CSTF2T: variants seen among roughly 807,000 people sequenced by gnomAD.
The protein encoded by CSTF2T is CF-1 64 kDa subunit tau.
CSTF2T carries 18 observed loss-of-function variants against 39.9 expected under a neutral mutation model. That is an observed-to-expected ratio of 0.45 (90% CI 0.31 to 0.67). The LOEUF is 0.67. Among genes scored for constraint, CSTF2T ranks in the 30% least tolerant of loss-of-function variants. CSTF2T has a pLI of 0.06. For synonymous variants in CSTF2T, 291 were observed against 276.4 expected, an observed-to-expected ratio of 1.05 and a Z score of -0.52; for missense variants, 681 against 789.0, an observed-to-expected ratio of 0.86 and a Z score of 1.64.
Position 51,698,939 on chromosome 10 carries a change from T to G in CSTF2T, c.611A>C (p.Lys204Thr), listed in dbSNP as rs1448935697. Residue 204 changes from lysine (K) to threonine (T), a missense_variant, in exon 1 of 1, where the codon AAA becomes ACA. This residue lies in a region of CSTF2T where 329 missense variants were observed against 344.1 expected (regional missense o/e 0.96). Transcript: ENST00000331173. ...GCCAGAGACAGACACAGACTGAGAT[T>G]TGCCTGGGATCAGTGGTGTGACATG... The part of the protein sequence containing the change: ...KIHVTPLIPG[K>T]SQSVSVSGPG... 6.2e-7 allele frequency: 1 copy of G among 1,614,086 alleles called. No individual in the cohort carries two copies. The highest frequency in any genetic ancestry group is 8.5e-7 in the Non-Finnish European group (1 of 1,180,024).
In CSTF2T at chr10:51,698,976, G is replaced by A; in HGVS notation, c.574C>T (p.His192Tyr). The A allele has an allele frequency of 6.2e-7, 1 of 1,614,228 alleles. No individual in the cohort carries two copies. Among genetic ancestry groups the A allele is most frequent in the Non-Finnish European group, 8.5e-7 (1 of 1,180,036 alleles). Residue 192 changes from histidine (H) to tyrosine (Y), a missense_variant, in exon 1 of 1, where the codon CAT becomes TAT. Physicochemically the swap from His to Tyr is moderately conservative, Grantham distance 83. Coordinates refer to ENST00000331173, the MANE Select transcript of CSTF2T (RefSeq NM_015235.3). ...MDPEIALKILHRKIHVTPLIP... is the reference protein window; with the variant it reads ...MDPEIALKILYRKIHVTPLIP... ...AGTGGTGTGACATGTATCTTCCGAT[G>A]CAGAATTTTCAGAGCAATCTCTGGA...
chr10:51,698,164 G>T lies in CSTF2T; in HGVS notation c.1386C>A (p.Gly462=), dbSNP rs760153053. Residue 462 remains glycine (G), a synonymous_variant, in exon 1 of 1, where the codon GGC becomes GGA. Transcript: ENST00000331173. Reference sequence around the variant, plus strand: ...TAGGGCCTCTTGAACTGGGGACAGGGCCCCTCATCTCCAATCCTCTTGCAT... The same window carrying T: ...TAGGGCCTCTTGAACTGGGGACAGGTCCCCTCATCTCCAATCCTCTTGCAT... ...GMDARGLEMR[G]PVPSSRGPMT... is the part of the protein sequence containing the mutation. The T allele has an allele frequency of 3.7e-6, 6 of 1,613,938 alleles. No individual in the cohort carries two copies. Among genetic ancestry groups the T allele is most frequent in the Middle Eastern group, 1.6e-4 (1 of 6,082 alleles).
chr10:51,696,244 CATGTTAA>C lies in CSTF2T; in HGVS notation c.*1448_*1454del, dbSNP rs1841289008. The C allele has an allele frequency of 6.9e-6, 1 of 144,858 alleles. No homozygotes were observed. The highest frequency in any genetic ancestry group is 2.8e-5 in the African/African-American group (1 of 36,310). The allele number at this position is 144,858 out of a possible 1,614,324, so 9.0% of individuals were successfully genotyped here. A position where few individuals can be genotyped will look rare whatever the true frequency, so the allele number is the denominator to read the frequency against. ...ATTATGAAATAAGAAAACTAAAAGG[CATGTTAA>C]ATGCTCTTTAAAGGTTTTTAACTCC... On this transcript the variant is annotated 3_prime_UTR_variant, in exon 1 of 1. Coordinates refer to ENST00000331173, the MANE Select transcript of CSTF2T (RefSeq NM_015235.3).
rs1841349689 is a variant in CSTF2T at position 51,698,028 on chromosome 10, T to C, written c.1522A>G (p.Met508Val). The C allele has an allele frequency of 1.2e-6, 2 of 1,613,934 alleles. No homozygotes were observed. The highest frequency in any genetic ancestry group is 1.7e-5 in the Admixed American group (1 of 59,998). Residue 508 changes from methionine (M) to valine (V), a missense_variant, in exon 1 of 1, where the codon ATG (methionine) becomes GTG (valine). Physicochemically the swap from Met to Val is conservative, Grantham distance 21. Coordinates refer to ENST00000331173, the MANE Select transcript of CSTF2T (RefSeq NM_015235.3). The stretch of plus-strand genomic sequence containing the variant: ...GTTCCTTGTATGCCTGTACCCTGCA[T>C]ACCAGCTCCAGGATTCCCCACCCCT... Reference protein sequence around the residue: ...ISGVGNPGAGMQGTGIQGTGM... With the variant: ...ISGVGNPGAGVQGTGIQGTGM...
rs1010478167 is a variant in CSTF2T at position 51,695,495 on chromosome 10, A to C, written c.*2204T>G. Reference sequence around the variant, plus strand: ...ATATCAGATACTAATGTCAGCCTTAATTGTATCTTTATTTTCTGCATGAAA... The same window carrying C: ...ATATCAGATACTAATGTCAGCCTTACTTGTATCTTTATTTTCTGCATGAAA... On this transcript the variant is annotated 3_prime_UTR_variant, in exon 1 of 1. Transcript: ENST00000331173. 1.3e-5 allele frequency: 2 copies of C among 152,196 alleles called. No individual in the cohort carries two copies. The highest frequency in any genetic ancestry group is 4.8e-5 in the African/African-American group (2 of 41,454). The allele number at this position is 152,196 out of a possible 1,614,324, so 9.4% of individuals were successfully genotyped here.
At position 51,696,312 on chromosome 10, in the gene CSTF2T, A is replaced by G. The variant is rs914818938; in HGVS notation, c.*1387T>C. ...AGCAAATGGACACCATCTGTATAAG[A>G]AAGCCAGATACCAAGAAACTGAGAG... is the stretch of plus-strand genomic sequence containing the variant. On this transcript the variant is annotated 3_prime_UTR_variant, in exon 1 of 1. Transcript: ENST00000331173. 2.0e-5 allele frequency: 3 copies of G among 152,174 alleles called. No individual in the cohort carries two copies. The highest frequency in any genetic ancestry group is 7.2e-5 in the African/African-American group (3 of 41,438). 9.4% of individuals were successfully genotyped at this position (152,174 alleles called of 1,614,324 possible).
rs756280338 is a variant in CSTF2T at position 51,699,545 on chromosome 10, G to T, written c.5C>A (p.Ser2Ter). Residue 2 changes from serine to a stop codon, truncating the protein, a stop_gained, in exon 1 of 1, where the codon TCG becomes TAG. Coordinates refer to ENST00000331173, the MANE Select transcript of CSTF2T (RefSeq NM_015235.3). LOFTEE classifies it high-confidence loss of function. M[S>*]SLAVRDPAMD... ...TGCCGGGTCTCTCACCGCCAAACTC[G>T]ACATGATTCCGGTTGTGCAGACAGC... is the stretch of plus-strand genomic sequence containing the variant. 3.1e-6 allele frequency: 5 copies of T among 1,608,400 alleles called. No individual in the cohort carries two copies. The highest frequency in any genetic ancestry group is 3.4e-6 in the Non-Finnish European group (4 of 1,177,160).
chr10:51,697,174 TA>T lies in CSTF2T; in HGVS notation c.*524del, dbSNP rs1416827227. The T allele has an allele frequency of 6.5e-6, 1 of 152,850 alleles. No individual in the cohort carries two copies. Among genetic ancestry groups the T allele is most frequent in the African/African-American group, 2.4e-5 (1 of 41,472 alleles). The allele number at this position is 152,850 out of a possible 1,614,324, so 9.5% of individuals were successfully genotyped here. On this transcript the variant is annotated 3_prime_UTR_variant, in exon 1 of 1. Coordinates refer to ENST00000331173, the MANE Select transcript of CSTF2T (RefSeq NM_015235.3). ...GTTAACTCTGTTTCAAAAATAATTC[TA>T]AAACACTAAGACAATGCTTATCCTA...
Position 51,699,562 on chromosome 10 carries a change from G to C in CSTF2T, c.-13C>G, listed in dbSNP as rs1841407060. On this transcript the variant is annotated 5_prime_UTR_variant, in exon 1 of 1. Coordinates refer to ENST00000331173, the MANE Select transcript of CSTF2T (RefSeq NM_015235.3). ...CCAAACTCGACATGATTCCGGTTGTGCAGACAGCCGATAGCGGATTCTTCG... is the reference window on the plus strand; with the variant it reads ...CCAAACTCGACATGATTCCGGTTGTCCAGACAGCCGATAGCGGATTCTTCG... 6.3e-7 allele frequency: 1 copy of C among 1,599,862 alleles called. No homozygotes were observed. Among genetic ancestry groups the C allele is most frequent in the Non-Finnish European group, 8.5e-7 (1 of 1,172,870 alleles).
chr10:51,698,127 T>C lies in CSTF2T; in HGVS notation c.1423A>G (p.Ile475Val), dbSNP rs1268090240. Residue 475 changes from isoleucine (I) to valine (V), a missense_variant, in exon 1 of 1, where the codon ATT (isoleucine) becomes GTT (valine). Physicochemically the swap from Ile to Val is conservative, Grantham distance 29. Coordinates refer to ENST00000331173, the MANE Select transcript of CSTF2T (RefSeq NM_015235.3). ...PSSRGPMTGG[I>V]QGPGPINIGA... ...ATATTAATGGGACCAGGACCCTGAA[T>C]TCCACCAGTCATAGGGCCTCTTGAA... The C allele has an allele frequency of 2.5e-6, 4 of 1,613,976 alleles. No homozygotes were observed. Among genetic ancestry groups the C allele is most frequent in the Non-Finnish European group, 3.4e-6 (4 of 1,180,020 alleles).
rs1173389629 is a variant in CSTF2T, at chr10:51,696,321, T to C, written c.*1378A>G. The C allele has an allele frequency of 1.3e-5, 2 of 152,170 alleles. No individual in the cohort carries two copies. Among genetic ancestry groups the C allele is most frequent in the Non-Finnish European group, 2.9e-5 (2 of 68,024 alleles). 9.4% of individuals were successfully genotyped at this position (152,170 alleles called of 1,614,324 possible). On this transcript the variant is annotated 3_prime_UTR_variant, in exon 1 of 1. Transcript: ENST00000331173. The stretch of plus-strand genomic sequence containing the variant: ...ACACCATCTGTATAAGAAAGCCAGA[T>C]ACCAAGAAACTGAGAGTTTTACTTA...
In CSTF2T at chr10:51,698,692, C is replaced by T. The variant is rs752483292; in HGVS notation, c.858G>A (p.Met286Ile). 1.2e-6 allele frequency: 2 copies of T among 1,614,230 alleles called. No individual in the cohort carries two copies. Among genetic ancestry groups the T allele is most frequent in the South Asian group, 2.2e-5 (2 of 91,088 alleles). Residue 286 changes from methionine to isoleucine, a missense_variant, in exon 1 of 1, where the codon ATG becomes ATA. By Grantham distance (10) the Met-to-Ile change is conservative. Transcript: ENST00000331173. ...GPGSLTPGGA[M>I]QPQLGMPGVG... ...CCCCTGGCATTCCAAGTTGGGGCTGCATTGCTCCTCCAGGAGTTAAGGAAC... is the reference window on the plus strand; with the variant it reads ...CCCCTGGCATTCCAAGTTGGGGCTGTATTGCTCCTCCAGGAGTTAAGGAAC...
In CSTF2T at chr10:51,698,466, G is replaced by T. The variant is rs866839962; in HGVS notation, c.1084C>A (p.Pro362Thr). 6 of 1,614,084 alleles carry T rather than the reference G, an allele frequency of 3.7e-6. No homozygotes were observed. Among genetic ancestry groups the T allele is most frequent in the East Asian group, 2.2e-5 (1 of 44,842 alleles). The change falls in exon 1 of 1, where the codon CCC (proline) becomes ACC (threonine). Residue 362 changes from proline (P) to threonine (T), a missense_variant. Transcript: ENST00000331173. Reference protein sequence around the residue: ...RGYLGPPHQGPPMHHASGHDT... With the variant: ...RGYLGPPHQGTPMHHASGHDT... ...TGACCAGAGGCATGATGCATGGGGG[G>T]ACCCTGATGGGGTGGACCCAGATAA...
rs752712734 is a variant in CSTF2T at position 51,698,621 on chromosome 10, G to A, written c.929C>T (p.Pro310Leu). 1.2e-6 allele frequency: 2 copies of A among 1,614,034 alleles called. No individual in the cohort carries two copies. The highest frequency in any genetic ancestry group is 1.7e-6 in the Non-Finnish European group (2 of 1,180,034). ...GGGTCCGCGAGGTATAGGAGCTCTA[G>A]GATCTGACATCTGCACTTGTCCCCG... ...LERGQVQMSD[P>L]RAPIPRGPVT... is the part of the protein sequence containing the mutation. The change falls in exon 1 of 1, where the codon CCT becomes CTT. Residue 310 changes from proline to leucine, a missense_variant. This residue lies in a region of CSTF2T where 329 missense variants were observed against 344.1 expected (regional missense o/e 0.96). Transcript: ENST00000331173.
At position 51,697,896 on chromosome 10, in the gene CSTF2T, T is replaced by C; in HGVS notation, c.1654A>G (p.Ser552Gly). Residue 552 changes from serine to glycine, a missense_variant, in exon 1 of 1, where the codon AGC becomes GGC. Coordinates refer to ENST00000331173, the MANE Select transcript of CSTF2T (RefSeq NM_015235.3). The part of the protein sequence containing the change: ...GIQGGGIQGA[S>G]KQGGSQPSSF... ...CTAGGCTGGCTTCCACCTTGCTTGC[T>C]TGCCCCCTGTATACCTCCTCCTTGT... 1.9e-6 allele frequency: 3 copies of C among 1,610,208 alleles called. No homozygotes were observed. Among genetic ancestry groups the C allele is most frequent in the Non-Finnish European group, 1.7e-6 (2 of 1,177,904 alleles).
chr10:51,698,189 T>A lies in CSTF2T; in HGVS notation c.1361A>T (p.Asp454Val). Residue 454 changes from aspartate (D) to valine (V), a missense_variant, in exon 1 of 1, where the codon GAT becomes GTT. Around this residue, in one of 4 missense-constraint regions of CSTF2T, gnomAD observed 282 missense variants for 289.2 expected, o/e 0.98. Coordinates refer to ENST00000331173, the MANE Select transcript of CSTF2T (RefSeq NM_015235.3). Reference protein sequence around the residue: ...ETRGMEARGMDARGLEMRGPV... With the variant: ...ETRGMEARGMVARGLEMRGPV... Reference sequence around the variant, plus strand: ...GCCCCTCATCTCCAATCCTCTTGCATCCATGCCCCTTGCTTCCATCCCTCT... The same window carrying A: ...GCCCCTCATCTCCAATCCTCTTGCAACCATGCCCCTTGCTTCCATCCCTCT... 6.2e-7 allele frequency: 1 copy of A among 1,614,108 alleles called. No homozygotes were observed. The highest frequency in any genetic ancestry group is 8.5e-7 in the Non-Finnish European group (1 of 1,180,006).
In CSTF2T at chr10:51,696,629, GCAA is replaced by G. The variant is rs1292834377; in HGVS notation, c.*1067_*1069del. ...GTCTCTGTAGGGTGGGATAAGTGAAGCAACATTAAACCAGGTGCAGTCCTTAAT... is the reference window on the plus strand; with the variant it reads ...GTCTCTGTAGGGTGGGATAAGTGAAGCATTAAACCAGGTGCAGTCCTTAAT... On this transcript the variant is annotated 3_prime_UTR_variant, in exon 1 of 1. Transcript: ENST00000331173. 1 of 151,810 alleles carries G rather than the reference GCAA, an allele frequency of 6.6e-6. No homozygotes were observed. Among genetic ancestry groups the G allele is most frequent in the Non-Finnish European group, 1.5e-5 (1 of 67,974 alleles). The allele number at this position is 151,810 out of a possible 1,614,324, so 9.4% of individuals were successfully genotyped here.
rs143644186 is a variant in CSTF2T at position 51,697,941 on chromosome 10, T to C, written c.1609A>G (p.Ser537Gly). 1.2e-4 allele frequency: 193 copies of C among 1,598,298 alleles called. No homozygotes were observed. The highest frequency in any genetic ancestry group is 3.7e-4 in the South Asian group (33 of 89,642). Residue 537 changes from serine to glycine, a missense_variant, in exon 1 of 1, where the codon AGT becomes GGT. By Grantham distance (56) the Ser-to-Gly change is moderately conservative. Coordinates refer to ENST00000331173, the MANE Select transcript of CSTF2T (RefSeq NM_015235.3). ...CCTTGTATACCTCCTCCTTGTATACTGACTCCTTGTATGCCTGCCCCCTGC... is the reference window on the plus strand; with the variant it reads ...CCTTGTATACCTCCTCCTTGTATACCGACTCCTTGTATGCCTGCCCCCTGC... ...GMQGAGIQGVSIQGGGIQGGG... is the reference protein window; with the variant it reads ...GMQGAGIQGVGIQGGGIQGGG...
Position 51,699,046 on chromosome 10 carries a change from C to T in CSTF2T, c.504G>A (p.Leu168=), listed in dbSNP as rs1409251578. Residue 168 remains leucine (L), a synonymous_variant, in exon 1 of 1, where the codon CTG becomes CTA. Coordinates refer to ENST00000331173, the MANE Select transcript of CSTF2T (RefSeq NM_015235.3). ...ARNMLLQNPQ[L]AYALLQAQVV... is the part of the protein sequence containing the mutation. ...CTTGTGCCTGCAACAGTGCATAAGCCAGTTGTGGATTTTGAAGTAACATGT... is the reference window on the plus strand; with the variant it reads ...CTTGTGCCTGCAACAGTGCATAAGCTAGTTGTGGATTTTGAAGTAACATGT... 1 of 1,614,210 alleles carries T rather than the reference C, an allele frequency of 6.2e-7. No individual in the cohort carries two copies. Among genetic ancestry groups the T allele is most frequent in the Admixed American group, 1.7e-5 (1 of 60,028 alleles).
Sources: allele counts gnomAD v4.1 joint callset, GRCh38; gene constraint gnomAD v4.1.1; regional missense constraint gnomAD v4.1.1; transcripts MANE v1.5; gene names NCBI Gene and HGNC (gene_info 2026-07-23, HGNC 2026-07-21).